Variants in CNGA3 observed in about 807,000 individuals in gnomAD.
CNGA3 encodes cyclic nucleotide-gated channel alpha-3.
A neutral mutation model predicts 46.6 loss-of-function variants in CNGA3; 42 were observed. The observed-to-expected ratio is 0.90, with a 90% CI of 0.70 to 1.17. The LOEUF is 1.17. Ranked by LOEUF, CNGA3 falls within the 50% of genes most tolerant of loss-of-function variation. The pLI, the probability that CNGA3 is intolerant of heterozygous loss-of-function variation, is 0.00. For synonymous variants in CNGA3, 394 were observed against 369.4 expected, an observed-to-expected ratio of 1.07 and a Z score of -0.76; for missense variants, 893 against 890.7, an observed-to-expected ratio of 1.00 and a Z score of -0.03.
chr2:98,367,389 T>C (rs1692187704), intron 1 of CNGA3, among the ~76,000 whole-genome samples: 2 of 151,794 alleles, frequency 1.3e-5, no homozygotes, highest in African/African-American at 4.8e-5. Context: ...AGAGACAGAG[T>C]TTCACCATGT....
chr2:98,386,863 C>T lies in CNGA3; in HGVS notation c.450-2795C>T, dbSNP rs371120448. ...GAAACAGGGATCTCAGCCCCACAAT[C>T]GCAAGAAGCTGGATTCTGCGTAAGA... On this transcript the variant is annotated intron_variant, in intron 5 of 7. Transcript: ENST00000272602. Among the ~76,000 whole-genome samples, 115 of 152,268 alleles carry T rather than the reference C, an allele frequency of 7.6e-4. 1 individual carries two copies. The highest frequency in any genetic ancestry group is 1.3e-3 in the Non-Finnish European group (88 of 68,028).
Position 98,383,433 on chromosome 2 carries a change from G to C in CNGA3, c.441G>C (p.Thr147=), listed in dbSNP as rs754767905. The C allele has an allele frequency of 3.1e-6, 5 of 1,614,126 alleles. No homozygotes were observed. The East Asian group carries it at 8.9e-5, about 29-fold the overall frequency. The change falls in exon 5 of 8, where the codon ACG becomes ACC. Residue 147 remains threonine, a synonymous_variant. Transcript: ENST00000272602. ...GCAACACTAACACCAGCAACAACAC[G>C]GAGGAGGAGTAAGTACCCACACACC... The part of the protein sequence containing the change: ...AKCNTNTSNN[T]EEEKKTKKKD...
intron 1 of CNGA3, among the ~76,000 whole-genome samples, chr2:98,347,416 G>T (rs1484746322): frequency 6.6e-6 from 1 of 152,174 alleles, no homozygotes; most frequent in Non-Finnish European, 1.5e-5. Flanking sequence ...CGCCCCTGGG[G>T]GCCTTGGCGC....
chr2:98,396,321 AC>A lies in CNGA3; in HGVS notation c.1152del (p.Phe385SerfsTer6). On this transcript the variant is annotated frameshift_variant, in exon 8 of 8. Transcript: ENST00000272602. LOFTEE classifies it high-confidence loss of function. ...GAGGAGTATCTCTTTGTGGTCGTAG[AC>A]TTCTTGGTGGGTGTTCTGATTTTTG... Reference protein sequence around the residue: ...KDEEYLFVVVDFLVGVLIFAT... With the variant: ...KDEEYLFVVVXFLVGVLIFAT... 1 of 1,610,558 alleles carries A rather than the reference AC, an allele frequency of 6.2e-7. No individual in the cohort carries two copies. The highest frequency in any genetic ancestry group is 2.2e-5 in the East Asian group (1 of 44,776).
intron 1 of CNGA3, among the ~76,000 whole-genome samples, chr2:98,359,709 C>T (rs139675871): frequency 9.0e-4 from 137 of 152,310 alleles, no homozygotes; most frequent in African/African-American, 3.2e-3. Flanking sequence ...GCACAGGAGG[C>T]CCTGCACACC....
At chr2:98,369,541 GC>G (rs1692237752) in intron 1 of CNGA3, among the ~76,000 whole-genome samples, 1 of 152,188 alleles carries the variant, frequency 6.6e-6, no homozygotes, top group Non-Finnish European at 1.5e-5. Context: ...GGAAATAGGT[GC>G]CAAATTATAA....
chr2:98,388,876 G>A (rs1039113013), intron 5 of CNGA3, among the ~76,000 whole-genome samples: 4 of 152,216 alleles, frequency 2.6e-5, no homozygotes, highest in African/African-American at 7.2e-5. Flanking sequence ...TGGGGTCTCC[G>A]ATGGAGCACA....
At chr2:98,348,467 C>T (rs544590079) in intron 1 of CNGA3, among the ~76,000 whole-genome samples, 1 of 152,320 alleles carries the variant, frequency 6.6e-6, no homozygotes, top group Admixed American at 6.5e-5. Flanking sequence ...TTGGAAGCTA[C>T]TCAGGCTCTT....
chr2:98,388,493 G>A lies in CNGA3; in HGVS notation c.450-1165G>A, dbSNP rs549644568. ...GGGTGCTTGGAGCTGAGGAAAAGTCGGTCCCAGCAGGCTGCAGACCATGCC... is the reference window on the plus strand; with the variant it reads ...GGGTGCTTGGAGCTGAGGAAAAGTCAGTCCCAGCAGGCTGCAGACCATGCC... On this transcript the variant is annotated intron_variant, in intron 5 of 7. Coordinates refer to ENST00000272602, the MANE Select transcript of CNGA3 (RefSeq NM_001298.3). Among the ~76,000 whole-genome samples, 4 of 152,258 alleles carry A rather than the reference G, an allele frequency of 2.6e-5. No homozygotes were observed. The South Asian group carries it at 6.2e-4, about 24-fold the overall frequency.
Position 98,396,146 on chromosome 2 carries a change from A to G in CNGA3, c.976A>G (p.Lys326Glu). ...TGCCTGCATCTACTTTGCCATTTCC[A>G]AGTTCATTGGTTTTGGGACAGACTC... ...WNACIYFAIS[K>E]FIGFGTDSWV... The change falls in exon 8 of 8, where the codon AAG becomes GAG. Residue 326 changes from lysine to glutamate, a missense_variant. Physicochemically the swap from Lys to Glu is moderately conservative, Grantham distance 56. Transcript: ENST00000272602. The G allele has an allele frequency of 6.2e-7, 1 of 1,614,202 alleles. No homozygotes were observed. The highest frequency in any genetic ancestry group is 1.3e-5 in the African/African-American group (1 of 75,046).
chr2:98,362,013 G>C (rs935369446), intron 1 of CNGA3, among the ~76,000 whole-genome samples: 1 of 150,402 alleles, frequency 6.6e-6, no homozygotes, highest in Non-Finnish European at 1.5e-5. Flanking sequence ...GGCCTTCTTG[G>C]CTTTTTAATA....
intron 7 of CNGA3, among the ~76,000 whole-genome samples, chr2:98,395,498 A>T (rs1189113222): frequency 6.6e-6 from 1 of 152,178 alleles, no homozygotes; most frequent in Non-Finnish European, 1.5e-5. Context: ...TACAACATGT[A>T]TCTCTAATTT....
chr2:98,351,762 C>T (rs10190679), intron 1 of CNGA3, among the ~76,000 whole-genome samples: 10,532 of 152,122 alleles, frequency 0.069, 543 homozygotes, highest in East Asian at 0.18. Flanking sequence ...GCATTTCTCC[C>T]CTTTATTATG....
intron 7 of CNGA3, 116 bp from the exon 8 acceptor site, chr2:98,395,728 T>A: frequency 1.3e-6 from 1 of 797,778 alleles, no homozygotes; most frequent in East Asian, 2.6e-5. Context: ...AAATCATTTC[T>A]ATTATATATG....
At chr2:98,390,229 G>A (rs753790081) in intron 6 of CNGA3, among the ~76,000 whole-genome samples, 8 of 151,756 alleles carry the variant, frequency 5.3e-5, no homozygotes, top group Non-Finnish European at 7.4e-5. Flanking sequence ...TCCACCTCCC[G>A]GGTTAAAGCG....
rs1692947954 is a variant in CNGA3, at chr2:98,397,394, G to T, written c.*139G>T. The T allele has an allele frequency of 3.4e-6, 3 of 890,500 alleles. No homozygotes were observed. Among genetic ancestry groups the T allele is most frequent in the East Asian group, 2.6e-5 (1 of 37,842 alleles). The allele number at this position is 890,500 out of a possible 1,614,324, so 55.2% of individuals were successfully genotyped here. A position where few individuals can be genotyped will look rare whatever the true frequency, so the allele number is the denominator to read the frequency against. ...TTGAAAGCTGTGTGACTGCCTGAGA[G>T]AACCTGTTTCTTCACCTAAAAAATG... On this transcript the variant is annotated 3_prime_UTR_variant, in exon 8 of 8. Transcript: ENST00000272602.
chr2:98,368,834 C>T (rs960771225), intron 1 of CNGA3, among the ~76,000 whole-genome samples: 2 of 152,128 alleles, frequency 1.3e-5, no homozygotes, highest in African/African-American at 2.4e-5. Context: ...GGAGTTGACT[C>T]TGTTCTCTTA....
chr2:98,365,913 C>T (rs1558806631), intron 1 of CNGA3, among the ~76,000 whole-genome samples: 1 of 152,192 alleles, frequency 6.6e-6, no homozygotes, highest in East Asian at 1.9e-4. Context: ...TAATCCATCT[C>T]GGCCTCAGCC....
At chr2:98,366,250 C>CAA (rs57684267) in intron 1 of CNGA3, among the ~76,000 whole-genome samples, 29,183 of 152,178 alleles carry the variant, frequency 0.19, 3,194 homozygotes, top group Non-Finnish European at 0.26. Context: ...TGCAGAACAG[C>CAA]AAAGATGGCT....
Sources: allele counts gnomAD v4.1 joint callset (sites outside exome capture counted in the v4.1 genomes callset), GRCh38; gene constraint gnomAD v4.1.1; transcripts MANE v1.5; gene names NCBI Gene and HGNC (gene_info 2026-07-23, HGNC 2026-07-21).